The following PNPLA3 variants were observed in gnomAD, a reference collection of about 807,000 sequenced individuals.
PNPLA3 encodes the protein 1-acylglycerol-3-phosphate O-acyltransferase PNPLA3.
A neutral mutation model predicts 43.1 loss-of-function variants in PNPLA3; 42 were observed. The ratio of observed to expected loss-of-function variants is 0.97; its 90% confidence interval spans 0.76 to 1.26. The LOEUF is 1.26. Ranked by LOEUF, PNPLA3 falls within the 50% of genes most tolerant of loss-of-function variation. The pLI, the probability that PNPLA3 is intolerant of heterozygous loss-of-function variation, is 0.00. For synonymous variants in PNPLA3, 272 were observed against 253.6 expected (o/e 1.07, Z -0.69); for missense variants, 647 against 621.4 (o/e 1.04, Z -0.44).
Position 43,928,807 on chromosome 22 carries a change from C to G in PNPLA3, c.421-17C>G, listed in dbSNP as rs2049942219. On this transcript the variant is annotated splice_polypyrimidine_tract_variant and intron_variant, in intron 2 of 8. Coordinates refer to ENST00000216180, the MANE Select transcript of PNPLA3 (RefSeq NM_025225.3). Reference sequence around the variant, plus strand: ...GGGTGCTCTCGCCTATAACTTCTCTCTCCTTTGCTTTCACAGGCCTTGGTA... The same window carrying G: ...GGGTGCTCTCGCCTATAACTTCTCTGTCCTTTGCTTTCACAGGCCTTGGTA... 1 of 1,601,052 alleles carries G rather than the reference C, an allele frequency of 6.2e-7. No homozygotes were observed. Among genetic ancestry groups the G allele is most frequent in the African/African-American group, 1.3e-5 (1 of 74,674 alleles).
Position 43,928,880 on chromosome 22 carries a change from C to A in PNPLA3, c.477C>A (p.Phe159Leu). The change falls in exon 3 of 9, where the codon TTC becomes TTA. Residue 159 changes from phenylalanine to leucine, a missense_variant. Coordinates refer to ENST00000216180, the MANE Select transcript of PNPLA3 (RefSeq NM_025225.3). ...PFYSGLIPPS[F>L]RGVRYVDGGV... Reference sequence around the variant, plus strand: ...ACAGTGGCCTTATCCCTCCTTCCTTCAGAGGCGTGGTAAGTCGGCTTTCTC... The same window carrying A: ...ACAGTGGCCTTATCCCTCCTTCCTTAAGAGGCGTGGTAAGTCGGCTTTCTC... 6.2e-7 allele frequency: 1 copy of A among 1,611,776 alleles called. No individual in the cohort carries two copies.
rs2050063409 is a variant in PNPLA3 at position 43,946,304 on chromosome 22, C to A, written c.1368C>A (p.Phe456Leu). 1 of 1,612,652 alleles carries A rather than the reference C, an allele frequency of 6.2e-7. No homozygotes were observed. Among genetic ancestry groups the A allele is most frequent in the Non-Finnish European group, 8.5e-7 (1 of 1,180,042 alleles). Residue 456 changes from phenylalanine (F) to leucine (L), a missense_variant, in exon 9 of 9, where the codon TTC becomes TTA. Transcript: ENST00000216180. The part of the protein sequence containing the change: ...PRSILRSSLN[F>L]FLGNKVPAGA... ...CCATCCTCAGGTCCAGCCTGAACTT[C>A]TTCTTGGGCAATAAAGTACCTGCTG... is the stretch of plus-strand genomic sequence containing the variant.
chr22:43,925,137 C>A (rs1216875222), intron 1 of PNPLA3, among the ~76,000 whole-genome samples: 1 of 152,156 alleles, frequency 6.6e-6, no homozygotes, highest in Non-Finnish European at 1.5e-5. Context: ...TGGAGTGCAT[C>A]CCTGGACACC....
intron 1 of PNPLA3, among the ~76,000 whole-genome samples, chr22:43,924,532 C>T (rs1052136056): frequency 6.6e-6 from 1 of 152,184 alleles, no homozygotes; most frequent in Non-Finnish European, 1.5e-5. Flanking sequence ...GCCGAGGGGC[C>T]GATTTGCCCT....
At chr22:43,946,050 G>A (rs1450986093) in intron 8 of PNPLA3, 104 bp from the exon 9 acceptor site, 18 of 1,021,180 alleles carry the variant, frequency 1.8e-5, no homozygotes, top group Non-Finnish European at 2.6e-5. Flanking sequence ...CCTAGAGTGT[G>A]TGTGGTGCCC....
At chr22:43,933,445 G>A (rs1176544652) in intron 4 of PNPLA3, among the ~76,000 whole-genome samples, 2 of 152,072 alleles carry the variant, frequency 1.3e-5, no homozygotes, top group Non-Finnish European at 2.9e-5. Context: ...GGAGTGCAGT[G>A]GTGCAATCAT....
In PNPLA3 at chr22:43,946,300, A is replaced by G. The variant is rs557141181; in HGVS notation, c.1364A>G (p.Asn455Ser). Residue 455 changes from asparagine to serine, a missense_variant, in exon 9 of 9, where the codon AAC becomes AGC. Transcript: ENST00000216180. ...TPRSILRSSL[N>S]FFLGNKVPAG... ...CGGTCCATCCTCAGGTCCAGCCTGA[A>G]CTTCTTCTTGGGCAATAAAGTACCT... is the stretch of plus-strand genomic sequence containing the variant. The G allele has an allele frequency of 1.2e-4, 191 of 1,614,046 alleles. No individual in the cohort carries two copies. Among genetic ancestry groups the G allele is most frequent in the Non-Finnish European group, 1.6e-4 (185 of 1,180,042 alleles).
At chr22:43,926,858 T>TCA in intron 1 of PNPLA3, 77 bp from the exon 2 acceptor site, 1 of 1,247,548 alleles carries the variant, frequency 8.0e-7, no homozygotes, top group African/African-American at 1.5e-5. Context: ...ATCCTTGCTG[T>TCA]CTGGTTTCTG....
chr22:43,943,392 C>T (rs750187738), intron 7 of PNPLA3, among the ~76,000 whole-genome samples: 3 of 152,258 alleles, frequency 2.0e-5, no homozygotes, highest in East Asian at 1.9e-4. Flanking sequence ...AGGCAGGCTG[C>T]GGGAAGGATG....
At position 43,927,061 on chromosome 22, in the gene PNPLA3, A is replaced by G. The variant is rs1043380928; in HGVS notation, c.314A>G (p.Asn105Ser). The G allele has an allele frequency of 3.7e-6, 6 of 1,614,248 alleles. No homozygotes were observed. Among genetic ancestry groups the G allele is most frequent in the Non-Finnish European group, 5.1e-6 (6 of 1,180,046 alleles). ...GGTCTCTGCAAATGCCTCCCGGCCA[A>G]TGTCCACCAGCTCATCTCCGGCAAA... ...RQGLCKCLPA[N>S]VHQLISGKIG... The change falls in exon 2 of 9, where the codon AAT (asparagine) becomes AGT (serine). Residue 105 changes from asparagine (N) to serine (S), a missense_variant. By Grantham distance (46) the Asn-to-Ser change is conservative. Coordinates refer to ENST00000216180, the MANE Select transcript of PNPLA3 (RefSeq NM_025225.3).
At position 43,942,701 on chromosome 22, in the gene PNPLA3, C is replaced by CTTTT. The variant is rs398037291; in HGVS notation, c.1113-1974_1113-1971dup. ...TTCCTTCCCTTCCATTTTCTTTTTT[C>CTTTT]TTTTTTTTTTTTTTTTTTTGAGACA... On this transcript the variant is annotated intron_variant, in intron 7 of 8. Coordinates refer to ENST00000216180, the MANE Select transcript of PNPLA3 (RefSeq NM_025225.3). Among the ~76,000 whole-genome samples, 487 of 113,656 alleles carry CTTTT rather than the reference C, an allele frequency of 4.3e-3. 18 individuals carry two copies. Among genetic ancestry groups the CTTTT allele is most frequent in the Admixed American group, 0.018 (163 of 9,178 alleles). 74.6% of individuals were successfully genotyped at this position (113,656 alleles called of 152,430 possible). A position where few individuals can be genotyped will look rare whatever the true frequency, so the allele number is the denominator to read the frequency against.
Position 43,924,101 on chromosome 22 carries a change from G to A in PNPLA3, c.187+3G>A. 1 of 1,544,882 alleles carries A rather than the reference G, an allele frequency of 6.5e-7. No homozygotes were observed. The highest frequency in any genetic ancestry group is 8.7e-7 in the Non-Finnish European group (1 of 1,155,524). On this transcript the variant is annotated splice_donor_region_variant and intron_variant, in intron 1 of 8. Coordinates refer to ENST00000216180, the MANE Select transcript of PNPLA3 (RefSeq NM_025225.3). ...CGTCCTCTCCGGTATCCCGCTGGGT[G>A]CGTCTGGGGACGCTGCCCGGGCTCC...
rs144830716 is a variant in PNPLA3 at position 43,932,878 on chromosome 22, C to A, written c.487C>A (p.Arg163=). ...GLIPPSFRGV[R]YVDGGVSDNV... ...AGTCCTTTTTCCCCTTCTTTAAAAG[C>A]GATATGTGGATGGAGGAGTGAGTGA... Residue 163 remains arginine, a splice_region_variant and synonymous_variant, in exon 4 of 9, where the codon CGA becomes AGA. Transcript: ENST00000216180. The A allele has an allele frequency of 2.2e-5, 35 of 1,613,840 alleles. No individual in the cohort carries two copies. Among genetic ancestry groups the A allele is most frequent in the African/African-American group, 1.2e-4 (9 of 74,910 alleles).
chr22:43,931,194 C>T (rs964967286), intron 3 of PNPLA3, among the ~76,000 whole-genome samples: 3 of 152,064 alleles, frequency 2.0e-5, no homozygotes, highest in Non-Finnish European at 4.4e-5. Flanking sequence ...GTATAGAGGC[C>T]CGAGATGCTG....
rs2049904792 is a variant in PNPLA3 at position 43,924,065 on chromosome 22, C to T, written c.154C>T (p.His52Tyr). Reference protein sequence around the residue: ...MLFGASAGALHCVGVLSGIPL... With the variant: ...MLFGASAGALYCVGVLSGIPL... ...GTTCGGCGCTTCGGCCGGGGCGTTG[C>T]ACTGCGTCGGCGTCCTCTCCGGTAT... The change falls in exon 1 of 9, where the codon CAC becomes TAC. Residue 52 changes from histidine to tyrosine, a missense_variant. Physicochemically the swap from His to Tyr is moderately conservative, Grantham distance 83. Coordinates refer to ENST00000216180, the MANE Select transcript of PNPLA3 (RefSeq NM_025225.3). 2 of 1,573,724 alleles carry T rather than the reference C, an allele frequency of 1.3e-6. No homozygotes were observed. Among genetic ancestry groups the T allele is most frequent in the Non-Finnish European group, 1.7e-6 (2 of 1,169,348 alleles).
intron 1 of PNPLA3, among the ~76,000 whole-genome samples, chr22:43,925,761 G>A (rs73888498): frequency 0.011 from 1,603 of 152,272 alleles, 45 homozygotes; most frequent in African/African-American, 0.037. Context: ...CACACCCTGG[G>A]GTTTAGCAAC....
rs902536271 is a variant in PNPLA3 at position 43,928,729 on chromosome 22, T to C, written c.421-95T>C. 17 of 1,189,948 alleles carry C rather than the reference T, an allele frequency of 1.4e-5. No individual in the cohort carries two copies. In the East Asian group the frequency reaches 3.5e-4, roughly 24 times the overall value. The allele number at this position is 1,189,948 out of a possible 1,614,324, so 73.7% of individuals were successfully genotyped here. A position where few individuals can be genotyped will look rare whatever the true frequency, so the allele number is the denominator to read the frequency against. Reference sequence around the variant, plus strand: ...ACTCTGTGCAAAGGGCATTTTCAAGTTTGTTGCCCTGCTCACTTGGAGAAA... The same window carrying C: ...ACTCTGTGCAAAGGGCATTTTCAAGCTTGTTGCCCTGCTCACTTGGAGAAA... On this transcript the variant is annotated intron_variant, in intron 2 of 8. Transcript: ENST00000216180.
chr22:43,923,857 G>A lies in PNPLA3; in HGVS notation c.-55G>A. 1 of 1,425,054 alleles carries A rather than the reference G, an allele frequency of 7.0e-7. No individual in the cohort carries two copies. The allele number at this position is 1,425,054 out of a possible 1,614,324, so 88.3% of individuals were successfully genotyped here. On this transcript the variant is annotated 5_prime_UTR_variant, in exon 1 of 9. Coordinates refer to ENST00000216180, the MANE Select transcript of PNPLA3 (RefSeq NM_025225.3). ...GCTGCTGCGGATCAGGACCCGAGCCGATTCCCGATCCCGACCCAGATCCTA... is the reference window on the plus strand; with the variant it reads ...GCTGCTGCGGATCAGGACCCGAGCCAATTCCCGATCCCGACCCAGATCCTA...
intron 2 of PNPLA3, among the ~76,000 whole-genome samples, chr22:43,928,383 G>A (rs1361278849): frequency 6.6e-6 from 1 of 152,172 alleles, no homozygotes; most frequent in African/African-American, 2.4e-5. Context: ...TTATTGGAAT[G>A]GCAGACCCTC....
Sources: gnomAD v4.1 joint callset for allele counts (sites outside exome capture counted in the v4.1 genomes callset) on GRCh38, gnomAD v4.1.1 for gene constraint, MANE v1.5 for transcripts, NCBI Gene and HGNC (gene_info 2026-07-23, HGNC 2026-07-21) for gene names.